The following IFIH1 variants were observed in gnomAD, a reference collection of about 807,000 sequenced individuals.
IFIH1 encodes interferon-induced helicase C domain-containing protein 1.
A neutral mutation model predicts 107.4 loss-of-function variants in IFIH1; 125 were observed. The ratio of observed to expected loss-of-function variants is 1.16; its 90% CI spans 1.01 to 1.35. The LOEUF is 1.35. Ranked by LOEUF, IFIH1 falls within the 40% of genes most tolerant of loss-of-function variation. IFIH1 has a pLI of 0.00. For synonymous variants in IFIH1, 458 were observed against 413.2 expected, an observed-to-expected ratio of 1.11 and a Z score of -1.31; for missense variants, 1,333 against 1,213.7, an observed-to-expected ratio of 1.10 and a Z score of -1.46.
intron 13 of IFIH1, 74 bp from the exon 14 acceptor site, chr2:162,268,351 G>T: frequency 1.0e-6 from 1 of 953,886 alleles, no homozygotes; most frequent in Non-Finnish European, 1.6e-6. Context: ...TAAGTCTCCT[G>T]AAATTTGGAG....
At chr2:162,305,340 G>T (rs753205928) in intron 3 of IFIH1, among the ~76,000 whole-genome samples, 30 of 151,932 alleles carry the variant, frequency 2.0e-4, no homozygotes, top group East Asian at 1.9e-4. Flanking sequence ...GAGGCCGAGT[G>T]GGGGGGATCA....
chr2:162,299,174 C>G (rs777812012), intron 3 of IFIH1, among the ~76,000 whole-genome samples: 18 of 152,120 alleles, frequency 1.2e-4, no homozygotes, highest in Non-Finnish European at 2.5e-4. Context: ...ACAACACACA[C>G]CAGAATGACC....
intron 5 of IFIH1, among the ~76,000 whole-genome samples, chr2:162,286,073 T>C (rs368513903): frequency 9.2e-5 from 14 of 152,068 alleles, no homozygotes; most frequent in South Asian, 4.1e-4. Context: ...TGCCCAACTC[T>C]GGACACCGCA....
At chr2:162,293,511 A>G (rs1487066387) in intron 4 of IFIH1, 53 bp downstream of exon 4, 4 of 1,115,154 alleles carry the variant, frequency 3.6e-6, no homozygotes, top group East Asian at 2.4e-5. Context: ...TGCTTCCACT[A>G]TATGGCGTCT....
At chr2:162,311,803 C>G (rs1276115326) in intron 1 of IFIH1, among the ~76,000 whole-genome samples, 1 of 152,082 alleles carries the variant, frequency 6.6e-6, no homozygotes, top group East Asian at 1.9e-4. Flanking sequence ...TACTTCATCT[C>G]CCTAGACCTT....
At chr2:162,298,810 ACT>A (rs1683143184) in intron 3 of IFIH1, among the ~76,000 whole-genome samples, 1 of 151,582 alleles carries the variant, frequency 6.6e-6, no homozygotes, top group East Asian at 1.9e-4. Context: ...ACACACACAC[ACT>A]CACATTTTGG....
At chr2:162,272,699 G>A (rs1471206615) in intron 12 of IFIH1, among the ~76,000 whole-genome samples, 2 of 152,066 alleles carry the variant, frequency 1.3e-5, no homozygotes, top group African/African-American at 2.4e-5. Flanking sequence ...TGAGAACCAC[G>A]ATCAATGACT....
At chr2:162,287,115 A>G (rs906667357) in intron 5 of IFIH1, among the ~76,000 whole-genome samples, 7 of 151,934 alleles carry the variant, frequency 4.6e-5, no homozygotes, top group Admixed American at 1.3e-4. Flanking sequence ...AATAGTAAGT[A>G]TACAAGTATA....
rs1313610885 is a variant in IFIH1 at position 162,318,471 on chromosome 2, C to A, written c.-164G>T. ...GTTGTCCACAGGGCTCTCAGGCCGG[C>A]GCGCGGGGCTGCACTCGCACCTGGG... On this transcript the variant is annotated 5_prime_UTR_variant, in exon 1 of 16. Transcript: ENST00000649979. The A allele has an allele frequency of 3.2e-6, 2 of 615,448 alleles. No homozygotes were observed. Among genetic ancestry groups the A allele is most frequent in the Non-Finnish European group, 5.5e-6 (2 of 360,842 alleles). 38.1% of individuals were successfully genotyped at this position (615,448 alleles called of 1,614,324 possible). A position where few individuals can be genotyped will look rare whatever the true frequency, so the allele number is the denominator to read the frequency against.
intron 4 of IFIH1, among the ~76,000 whole-genome samples, chr2:162,289,660 G>GTACT (rs1682962657): frequency 6.6e-6 from 1 of 151,822 alleles, no homozygotes; most frequent in Non-Finnish European, 1.5e-5. Context: ...TGTTGTGATA[G>GTACT]TACTATCTGA....
At chr2:162,283,687 G>A (rs1404161244) in intron 5 of IFIH1, among the ~76,000 whole-genome samples, 1 of 151,976 alleles carries the variant, frequency 6.6e-6, no homozygotes, top group East Asian at 1.9e-4. Context: ...TTTACTTGAG[G>A]TAAGTCCCAC....
intron 5 of IFIH1, among the ~76,000 whole-genome samples, chr2:162,283,532 T>A (rs1277300057): frequency 1.3e-5 from 2 of 152,062 alleles, no homozygotes; most frequent in East Asian, 3.9e-4. Context: ...CAGTGTACAA[T>A]ATGGGAAACA....
intron 1 of IFIH1, among the ~76,000 whole-genome samples, chr2:162,314,934 T>G (rs1380015929): frequency 1.3e-5 from 2 of 152,170 alleles, no homozygotes; most frequent in African/African-American, 4.8e-5. Context: ...TCAAACTGAA[T>G]GAATGAGTGA....
chr2:162,275,911 A>G (rs553593892), intron 11 of IFIH1, among the ~76,000 whole-genome samples: 1 of 152,256 alleles, frequency 6.6e-6, no homozygotes, highest in South Asian at 2.1e-4. Context: ...AGAATCCCAA[A>G]TCTCTAATAT....
intron 11 of IFIH1, among the ~76,000 whole-genome samples, chr2:162,274,669 A>G (rs1344368424): frequency 6.6e-6 from 1 of 152,232 alleles, no homozygotes; most frequent in Non-Finnish European, 1.5e-5. Context: ...GAAAGTCAAT[A>G]TAAATAAATT....
rs955448950 is a variant in IFIH1, at chr2:162,276,604, GAAAGA to G, written c.2304+78_2304+82del. On this transcript the variant is annotated intron_variant, in intron 11 of 15. Coordinates refer to ENST00000649979, the MANE Select transcript of IFIH1 (RefSeq NM_022168.4). Reference sequence around the variant, plus strand: ...TGAGTGACAGAGCGAGGCCTCGTCTGAAAGAAAAGAAGAAGAGAAGAAGAGAAGAG... The same window carrying G: ...TGAGTGACAGAGCGAGGCCTCGTCTGAAAGAAGAAGAGAAGAAGAGAAGAG... 5.7e-5 allele frequency: 83 copies of G among 1,465,860 alleles called. No individual in the cohort carries two copies. The South Asian group carries it at 8.8e-4, about 16-fold the overall frequency. 90.8% of individuals were successfully genotyped at this position (1,465,860 alleles called of 1,614,324 possible). A position where few individuals can be genotyped will look rare whatever the true frequency, so the allele number is the denominator to read the frequency against.
At chr2:162,295,645 G>T (rs193299829) in intron 3 of IFIH1, among the ~76,000 whole-genome samples, 1 of 151,886 alleles carries the variant, frequency 6.6e-6, no homozygotes, top group Non-Finnish European at 1.5e-5. Context: ...ATCAGTTGTC[G>T]CAGATTAGTT....
intron 5 of IFIH1, 110 bp from the exon 6 acceptor site, chr2:162,282,686 C>T: frequency 3.1e-6 from 2 of 649,450 alleles, no homozygotes; most frequent in Non-Finnish European, 5.3e-6. Context: ...TTTACATTAT[C>T]AGTGAATCAG....
intron 7 of IFIH1, among the ~76,000 whole-genome samples, chr2:162,280,442 G>A (rs1314117206): frequency 6.6e-6 from 1 of 152,018 alleles, no homozygotes; most frequent in Non-Finnish European, 1.5e-5. Context: ...AACTGACATG[G>A]AAAGAGTATA....
Sources: allele counts gnomAD v4.1 joint callset (sites outside exome capture counted in the v4.1 genomes callset), GRCh38; gene constraint gnomAD v4.1.1; transcripts MANE v1.5; gene names NCBI Gene and HGNC (gene_info 2026-07-23, HGNC 2026-07-21).